COL22A1: variants seen among roughly 807,000 people sequenced by gnomAD.
The protein encoded by COL22A1 is collagen alpha-1(XXII) chain.
A neutral mutation model predicts 248.9 loss-of-function variants in COL22A1; 221 were observed. The ratio of observed to expected loss-of-function variants is 0.89; its 90% CI spans 0.80 to 0.99. The LOEUF (loss-of-function observed/expected upper bound fraction) is 0.99. COL22A1 is among the 50% of genes least tolerant of loss of function. The pLI is 0.00. For synonymous variants in COL22A1, 891 were observed against 793.4 expected (o/e 1.12, Z -2.07); for missense variants, 2,240 against 2,179.0 (o/e 1.03, Z -0.56).
chr8:138,653,299 G>A (rs1220428300), intron 45 of COL22A1, among the ~76,000 whole-genome samples: 2 of 152,136 alleles, frequency 1.3e-5, no homozygotes, highest in Non-Finnish European at 2.9e-5. Flanking sequence ...CTATGTGACA[G>A]GCAGAGAACT....
intron 13 of COL22A1, among the ~76,000 whole-genome samples, chr8:138,780,585 T>A (rs1814874316): frequency 6.6e-6 from 1 of 152,170 alleles, no homozygotes; most frequent in South Asian, 2.1e-4. Context: ...CTCTGACTCC[T>A]CCAGCTACAA....
intron 41 of COL22A1, 113 bp downstream of exon 41, chr8:138,676,443 AAG>A (rs1825534675): frequency 1.8e-6 from 1 of 545,922 alleles, no homozygotes; most frequent in Non-Finnish European, 3.2e-6. Flanking sequence ...GAAAGAAAGA[AAG>A]AAAGAAAGAA....
chr8:138,722,854 G>GGC (rs1554601711), intron 25 of COL22A1, among the ~76,000 whole-genome samples: 1 of 128,886 alleles, frequency 7.8e-6, no homozygotes, highest in Non-Finnish European at 1.7e-5. Flanking sequence ...TGGGGGCGGG[G>GGC]GGGGGGTGGT....
chr8:138,785,072 T>A (rs1443474023), intron 12 of COL22A1, among the ~76,000 whole-genome samples: 1 of 152,176 alleles, frequency 6.6e-6, no homozygotes, highest in Non-Finnish European at 1.5e-5. Context: ...CCAGGGAGTC[T>A]ACATGGCAGA....
intron 56 of COL22A1, among the ~76,000 whole-genome samples, chr8:138,608,626 C>T (rs937647478): frequency 3.5e-4 from 53 of 152,156 alleles, no homozygotes; most frequent in African/African-American, 1.1e-3. Context: ...TTCATAGTTT[C>T]GGTGAATACA....
intron 3 of COL22A1, among the ~76,000 whole-genome samples, chr8:138,852,594 T>C (rs1194780393): frequency 6.6e-6 from 1 of 152,090 alleles, no homozygotes; most frequent in Non-Finnish European, 1.5e-5. Context: ...GGAGCAGGGA[T>C]AGTGTTTAAA....
chr8:138,595,839 A>G (rs1376819218), intron 62 of COL22A1, among the ~76,000 whole-genome samples: 1 of 151,976 alleles, frequency 6.6e-6, no homozygotes, highest in Non-Finnish European at 1.5e-5. Context: ...CCTGGAAAGT[A>G]GTTATGGATT....
intron 45 of COL22A1, among the ~76,000 whole-genome samples, chr8:138,650,532 C>T (rs1822616147): frequency 1.3e-5 from 2 of 152,174 alleles, no homozygotes; most frequent in Admixed American, 6.5e-5. Context: ...CTCCAGCCTG[C>T]CTCATCCACC....
intron 62 of COL22A1, 43 bp downstream of exon 62, chr8:138,596,861 T>C: frequency 1.9e-6 from 3 of 1,572,372 alleles, no homozygotes; most frequent in Non-Finnish European, 2.6e-6. Flanking sequence ...AACTGCTTCC[T>C]GGGCTCTTCT....
chr8:138,774,249 C>T (rs1165602313), intron 16 of COL22A1, among the ~76,000 whole-genome samples: 3 of 152,090 alleles, frequency 2.0e-5, no homozygotes, highest in African/African-American at 7.2e-5. Context: ...TCCCCGCCTC[C>T]CTGAATGAAA....
chr8:138,655,222 AT>A (rs1328225174), intron 45 of COL22A1, among the ~76,000 whole-genome samples: 1 of 152,228 alleles, frequency 6.6e-6, no homozygotes, highest in Non-Finnish European at 1.5e-5. Flanking sequence ...CACATTAAAC[AT>A]TTAGTGTAGC....
intron 41 of COL22A1, among the ~76,000 whole-genome samples, chr8:138,664,209 G>GCGCGCGCGCACACACACA (rs1440442280): frequency 2.9e-5 from 3 of 103,204 alleles, no homozygotes; most frequent in East Asian, 3.2e-4. Flanking sequence ...GCGCGCGCGC[G>GCGCGCGCGCACACACACA]CACACACACA....
intron 3 of COL22A1, among the ~76,000 whole-genome samples, chr8:138,874,247 C>T (rs532515034): frequency 1.3e-5 from 2 of 152,318 alleles, no homozygotes; most frequent in East Asian, 3.9e-4. Flanking sequence ...TTAAATCTTA[C>T]ATCTAATTTT....
At chr8:138,592,589 T>C (rs1241446515) in intron 63 of COL22A1, among the ~76,000 whole-genome samples, 1 of 152,096 alleles carries the variant, frequency 6.6e-6, no homozygotes, top group African/African-American at 2.4e-5. Flanking sequence ...TTATAGGAAA[T>C]GGATAAGCAA....
At chr8:138,623,347 A>G (rs1385082455) in intron 52 of COL22A1, among the ~76,000 whole-genome samples, 1 of 151,196 alleles carries the variant, frequency 6.6e-6, no homozygotes, top group Non-Finnish European at 1.5e-5. Flanking sequence ...TTTACTAGGT[A>G]TCCTGATCTC....
intron 3 of COL22A1, among the ~76,000 whole-genome samples, chr8:138,876,084 A>C (rs1165497277): frequency 6.6e-6 from 1 of 152,010 alleles, no homozygotes; most frequent in Non-Finnish European, 1.5e-5. Flanking sequence ...TAAACCCTCC[A>C]GCATGTCCTC....
chr8:138,777,216 T>C (rs1028457020), intron 15 of COL22A1, among the ~76,000 whole-genome samples: 1 of 152,184 alleles, frequency 6.6e-6, no homozygotes, highest in Non-Finnish European at 1.5e-5. Flanking sequence ...GCCTCCTTGT[T>C]GATTTCTGGA....
chr8:138,799,914 G>C (rs940991352), intron 11 of COL22A1, among the ~76,000 whole-genome samples: 2 of 152,124 alleles, frequency 1.3e-5, no homozygotes, highest in Admixed American at 1.3e-4. Context: ...TAAAGTTGTG[G>C]TTTACTATAG....
At chr8:138,829,642 A>G (rs935242070) in intron 5 of COL22A1, among the ~76,000 whole-genome samples, 7 of 151,806 alleles carry the variant, frequency 4.6e-5, no homozygotes, top group Admixed American at 4.6e-4. Flanking sequence ...GTTTCACCAC[A>G]TTGGCCAGGC....
Sources: allele counts gnomAD v4.1 joint callset (sites outside exome capture counted in the v4.1 genomes callset), GRCh38; gene constraint gnomAD v4.1.1; transcripts MANE v1.5; gene names NCBI Gene and HGNC (gene_info 2026-07-23, HGNC 2026-07-21).